MCRIP2: variants seen among roughly 807,000 people sequenced by gnomAD.
The protein encoded by MCRIP2 is MAPK regulated co-repressor interacting protein 2.
In MCRIP2, 21 loss-of-function variants were observed where a neutral mutation model predicts 23.2. The observed-to-expected ratio is 0.90, with a 90% CI of 0.64 to 1.30. MCRIP2 has a LOEUF of 1.30. Ranked by LOEUF, MCRIP2 falls within the 50% of genes most tolerant of loss-of-function variation. The probability of loss-of-function intolerance (pLI) is 0.00; values close to 1 mark genes in which losing one functional copy is unlikely to be tolerated. For synonymous variants in MCRIP2, 121 were observed against 100.2 expected (o/e 1.21, Z -1.24); for missense variants, 234 against 223.2 (o/e 1.05, Z -0.31).
In MCRIP2 at chr16:648,370, C is replaced by A. The variant is rs949290082; in HGVS notation, c.*180C>A. ...CCAACCAAGCTGCCATGGCCAAGGG[C>A]CGAACCCGTCTGACCTCAGCCCTGC... is the stretch of plus-strand genomic sequence containing the variant. On this transcript the variant is annotated 3_prime_UTR_variant, in exon 5 of 5. Transcript: ENST00000307650. The A allele has an allele frequency of 2.1e-4, 141 of 673,560 alleles. 1 individual carries two copies. The South Asian group carries it at 2.4e-3, about 12-fold the overall frequency. 41.7% of individuals were successfully genotyped at this position (673,560 alleles called of 1,614,324 possible).
intron 2 of MCRIP2, among the ~76,000 whole-genome samples, chr16:644,039 G>C (rs1328344574): frequency 1.3e-5 from 2 of 152,022 alleles, no homozygotes; most frequent in Non-Finnish European, 2.9e-5. Context: ...TCTGCATGAA[G>C]CCCCCATCCT....
chr16:648,136 C>T lies in MCRIP2; in HGVS notation c.429C>T (p.Asp143=). 4 of 1,609,732 alleles carry T rather than the reference C, an allele frequency of 2.5e-6. No homozygotes were observed. Among genetic ancestry groups the T allele is most frequent in the Admixed American group, 1.7e-5 (1 of 59,722 alleles). The change falls in exon 5 of 5, where the codon GAC becomes GAT. Residue 143 remains aspartate, a synonymous_variant. Coordinates refer to ENST00000307650, the MANE Select transcript of MCRIP2 (RefSeq NM_138418.4). ...TGCCCACAGACTTTGTGCCCATTGA[C>T]CTAGACGAGTGGTGGGCGCAGCAGT... ...NPRLQNFVPI[D]LDEWWAQQFL... is the part of the protein sequence containing the mutation.
intron 2 of MCRIP2, chr16:647,184 C>A (rs1159174801): frequency 1.7e-6 from 1 of 593,372 alleles, no homozygotes; most frequent in South Asian, 2.0e-5. Context: ...CAGTCACTCA[C>A]TTCCCTCAGG....
At position 647,491 on chromosome 16, in the gene MCRIP2, C is replaced by A. The variant is rs765502574; in HGVS notation, c.257C>A (p.Thr86Asn). 13 of 1,613,240 alleles carry A rather than the reference C, an allele frequency of 8.1e-6. No homozygotes were observed. The East Asian group carries it at 2.5e-4, about 30-fold the overall frequency. The change falls in exon 3 of 5, where the codon ACC (threonine) becomes AAC (asparagine). Residue 86 changes from threonine (T) to asparagine (N), a missense_variant. Thr to Asn is a moderately conservative substitution (Grantham distance 65, BLOSUM62 0). Transcript: ENST00000307650. Reference protein sequence around the residue: ...APSTSPSFEGTQETYTVAHEE... With the variant: ...APSTSPSFEGNQETYTVAHEE... ...TCCACGTCCCCATCCTTCGAGGGGA[C>A]CCAGGAGACCTACACAGTGGCCCAC...
At position 648,412 on chromosome 16, in the gene MCRIP2, C is replaced by T. The variant is rs1324330839; in HGVS notation, c.*222C>T. Reference sequence around the variant, plus strand: ...CAGCCCTGCTCACTGTGCCCAGGGACCAGCGACCAGCCCCTGGGGCTGGCA... The same window carrying T: ...CAGCCCTGCTCACTGTGCCCAGGGATCAGCGACCAGCCCCTGGGGCTGGCA... On this transcript the variant is annotated 3_prime_UTR_variant, in exon 5 of 5. Coordinates refer to ENST00000307650, the MANE Select transcript of MCRIP2 (RefSeq NM_138418.4). 16 of 571,686 alleles carry T rather than the reference C, an allele frequency of 2.8e-5. No individual in the cohort carries two copies. 35.4% of individuals were successfully genotyped at this position (571,686 alleles called of 1,614,324 possible).
rs2037352920 is a variant in MCRIP2 at position 642,015 on chromosome 16, C to T, written c.24C>T (p.Pro8=). 3 of 1,327,840 alleles carry T rather than the reference C, an allele frequency of 2.3e-6. No homozygotes were observed. Among genetic ancestry groups the T allele is most frequent in the South Asian group, 1.9e-5 (1 of 51,480 alleles). 82.3% of individuals were successfully genotyped at this position (1,327,840 alleles called of 1,614,324 possible). The change falls in exon 1 of 5, where the codon CCC becomes CCT. Residue 8 remains proline, a synonymous_variant. Coordinates refer to ENST00000307650, the MANE Select transcript of MCRIP2 (RefSeq NM_138418.4). ...TCATGTACACCATCACCAAGGGGCC[C>T]AGCAAGCTGGTCGCGCAGCGCCGCA... MYTITKG[P]SKLVAQRRTG...
rs924667409 is a variant in MCRIP2, at chr16:646,799, G to C, written c.183-618G>C. The C allele has an allele frequency of 4.6e-5, 7 of 152,900 alleles. No individual in the cohort carries two copies. Among genetic ancestry groups the C allele is most frequent in the African/African-American group, 1.7e-4 (7 of 41,444 alleles). 9.5% of individuals were successfully genotyped at this position (152,900 alleles called of 1,614,324 possible). On this transcript the variant is annotated intron_variant, in intron 2 of 4. Coordinates refer to ENST00000307650, the MANE Select transcript of MCRIP2 (RefSeq NM_138418.4). This position sits in a 1 kb window ranked among gnomAD's most constrained non-coding sequence, Gnocchi z 6.5. ...CCTTGTCTCGGGCCGGTGGGGAGTG[G>C]GCGAGGGTTATAGTCACTCTCCCGA...
intron 4 of MCRIP2, 25 bp downstream of exon 4, chr16:647,909 C>T: frequency 2.8e-6 from 4 of 1,406,010 alleles, no homozygotes; most frequent in South Asian, 1.2e-5. Context: ...CCTGTCCCCC[C>T]AGGAGAGACC....
At position 643,540 on chromosome 16, in the gene MCRIP2, CT is replaced by C. The variant is rs869168510; in HGVS notation, c.182+1312del. Among the ~76,000 whole-genome samples the C allele has an allele frequency of 2.1e-3, 253 of 119,404 alleles. 1 individual carries two copies. The highest frequency in any genetic ancestry group is 0.012 in the South Asian group (46 of 3,708). 78.3% of individuals were successfully genotyped at this position (119,404 alleles called of 152,430 possible). ...ACACCAGGCCCACTGGCTGTTGTCT[CT>C]TTTTTTTTTTTTTTTTTTTTGGAGA... On this transcript the variant is annotated intron_variant, in intron 2 of 4. Transcript: ENST00000307650.
intron 2 of MCRIP2, among the ~76,000 whole-genome samples, chr16:643,540 CTT>C (rs869168510): frequency 5.9e-5 from 7 of 119,422 alleles, no homozygotes; most frequent in African/African-American, 1.4e-4. Context: ...GCTGTTGTCT[CTT>C]TTTTTTTTTT....
chr16:642,309 C>G, intron 2 of MCRIP2, 60 bp downstream of exon 2: 1 of 1,138,300 alleles, frequency 8.8e-7, no homozygotes, highest in Non-Finnish European at 1.1e-6. Context: ...GCCGGCCGCC[C>G]TAGAGCGGAG....
chr16:648,021 G>C, intron 4 of MCRIP2, 99 bp from the exon 5 acceptor site: 7 of 1,296,470 alleles, frequency 5.4e-6, no homozygotes, highest in Non-Finnish European at 5.3e-6. Context: ...AGCGCCTGCC[G>C]CACTCGGAGT....
In MCRIP2 at chr16:648,434, G is replaced by A. The variant is rs998111740; in HGVS notation, c.*244G>A. The stretch of plus-strand genomic sequence containing the variant: ...GGACCAGCGACCAGCCCCTGGGGCT[G>A]GCAGGGAGGAGCTCCAGGCTAATAA... On this transcript the variant is annotated 3_prime_UTR_variant, in exon 5 of 5. Transcript: ENST00000307650. 1.1e-5 allele frequency: 6 copies of A among 562,568 alleles called. No homozygotes were observed. The highest frequency in any genetic ancestry group is 9.8e-5 in the Admixed American group (3 of 30,674). The allele number at this position is 562,568 out of a possible 1,614,324, so 34.8% of individuals were successfully genotyped here. A position where few individuals can be genotyped will look rare whatever the true frequency, so the allele number is the denominator to read the frequency against.
At chr16:644,348 T>C (rs940637401) in intron 2 of MCRIP2, among the ~76,000 whole-genome samples, 1 of 152,128 alleles carries the variant, frequency 6.6e-6, no homozygotes, top group African/African-American at 2.4e-5. Context: ...CCCAGAGTGC[T>C]GGGATTACAG....
intron 2 of MCRIP2, among the ~76,000 whole-genome samples, chr16:644,324 G>A (rs1300955381): frequency 4.6e-5 from 7 of 151,894 alleles, no homozygotes; most frequent in Non-Finnish European, 8.8e-5. Context: ...CCGGTGATGC[G>A]CCCACCTCGG....
At chr16:647,372 A>G in intron 2 of MCRIP2, 45 bp from the exon 3 acceptor site, 1 of 1,606,486 alleles carries the variant, frequency 6.2e-7, no homozygotes, top group East Asian at 2.2e-5. Flanking sequence ...GCAGCACCGC[A>G]CCTGGGATGG....
chr16:641,949 C>G lies in MCRIP2; in HGVS notation c.-43C>G, dbSNP rs962787713. Reference sequence around the variant, plus strand: ...TAAGTGCGAGCCCCGGCGCAGGGGCCGGATCTGGCCGGGGGCCGGCGGCGG... The same window carrying G: ...TAAGTGCGAGCCCCGGCGCAGGGGCGGGATCTGGCCGGGGGCCGGCGGCGG... On this transcript the variant is annotated 5_prime_UTR_variant, in exon 1 of 5. Transcript: ENST00000307650. 7.7e-6 allele frequency: 10 copies of G among 1,290,438 alleles called. No individual in the cohort carries two copies. The highest frequency in any genetic ancestry group is 9.8e-6 in the Non-Finnish European group (10 of 1,021,196). 79.9% of individuals were successfully genotyped at this position (1,290,438 alleles called of 1,614,324 possible).
chr16:647,825 G>A lies in MCRIP2; in HGVS notation c.353G>A (p.Gly118Asp), dbSNP rs1319984490. 1.3e-6 allele frequency: 2 copies of A among 1,578,420 alleles called. No individual in the cohort carries two copies. The highest frequency in any genetic ancestry group is 2.3e-5 in the East Asian group (1 of 43,132). ...CAGCAGCTGGATGGTGGCCCAGCCG[G>A]TGAGGGCGGGCCAAGGCCTGTGCAG... ...VQQQLDGGPA[G>D]EGGPRPVQYV... The change falls in exon 4 of 5, where the codon GGT becomes GAT. Residue 118 changes from glycine (G) to aspartate (D), a missense_variant. Physicochemically the swap from Gly to Asp is moderately conservative, Grantham distance 94 (BLOSUM62 -1). Coordinates refer to ENST00000307650, the MANE Select transcript of MCRIP2 (RefSeq NM_138418.4).
chr16:647,197 A>G (rs2037504754), intron 2 of MCRIP2: 1 of 605,428 alleles, frequency 1.7e-6, no homozygotes, highest in Non-Finnish European at 2.9e-6. Context: ...CCCTCAGGAC[A>G]CAGGGCTGCA....
Sources: allele counts gnomAD v4.1 joint callset (sites outside exome capture counted in the v4.1 genomes callset), GRCh38; gene constraint gnomAD v4.1.1; non-coding constraint Gnocchi (gnomAD v3.1); transcripts MANE v1.5; gene names NCBI Gene and HGNC (gene_info 2026-07-23, HGNC 2026-07-21).